KRT78: variants seen among roughly 807,000 people sequenced by gnomAD.
The protein encoded by KRT78 is keratin 78.
In KRT78, 55 loss-of-function variants were observed where a neutral mutation model predicts 51.4. That is an observed-to-expected ratio of 1.07 (90% CI 0.86 to 1.34). KRT78 has a LOEUF of 1.34. Among genes scored for constraint, KRT78 ranks in the 40% most tolerant of loss-of-function variants. KRT78 has a pLI of 0.00. For missense variants in KRT78, 652 were observed against 649.4 expected, an observed-to-expected ratio of 1.00 and a Z score of -0.04; for synonymous variants, 291 against 264.3, an observed-to-expected ratio of 1.10 and a Z score of -0.98.
At chr12:52,848,174 G>A (rs780915353) in intron 1 of KRT78, 53 bp from the exon 2 acceptor site, 5 of 1,590,966 alleles carry the variant, frequency 3.1e-6, no homozygotes, top group East Asian at 4.6e-5. Flanking sequence ...CCTGTGCACA[G>A]CCTCTGGAAA....
intron 6 of KRT78, among the ~76,000 whole-genome samples, chr12:52,841,520 C>G (rs1163880574): frequency 6.6e-6 from 1 of 151,552 alleles, no homozygotes; most frequent in African/African-American, 2.4e-5. Flanking sequence ...AATCCTTTTA[C>G]TTACAATAGA....
At chr12:52,847,214 CT>C (rs1940663271) in intron 2 of KRT78, among the ~76,000 whole-genome samples, 1 of 152,194 alleles carries the variant, frequency 6.6e-6, no homozygotes, top group South Asian at 2.1e-4. Context: ...TCCAGGGCTC[CT>C]TCCAGAACCT....
chr12:52,848,921 A>T lies in KRT78; in HGVS notation c.10T>A (p.Ser4Thr), dbSNP rs1940717786. 1 of 1,559,338 alleles carries T rather than the reference A, an allele frequency of 6.4e-7. No individual in the cohort carries two copies. Among genetic ancestry groups the T allele is most frequent in the South Asian group, 1.2e-5 (1 of 83,402 alleles). The change falls in exon 1 of 9, where the codon TCC becomes ACC. Residue 4 changes from serine (S) to threonine (T), a missense_variant. Coordinates refer to ENST00000304620, the MANE Select transcript of KRT78 (RefSeq NM_173352.4). ...AAGCCCCTCTGGGCCCGGCATGGGG[A>T]GAGAGACATGGCAGAGACAGACAGT... MSLSPCRAQRGFSA... is the reference protein window; with the variant it reads MSLTPCRAQRGFSA...
chr12:52,843,930 T>G (rs2120409712), intron 6 of KRT78, among the ~76,000 whole-genome samples, 163 bp downstream of exon 6: 1 of 152,242 alleles, frequency 6.6e-6, no homozygotes. Flanking sequence ...TAGATGGGGC[T>G]TGAAGTTCTC....
chr12:52,839,036 C>A lies in KRT78; in HGVS notation c.*77G>T, dbSNP rs927949703. ...TGGCTTGGGCTGTGGGCAGCGGACA[C>A]GGAGTTGGCCTTGCAGAGCCGGCTG... is the stretch of plus-strand genomic sequence containing the variant. On this transcript the variant is annotated 3_prime_UTR_variant, in exon 9 of 9. Transcript: ENST00000304620. 1 of 1,525,832 alleles carries A rather than the reference C, an allele frequency of 6.6e-7. No homozygotes were observed. Among genetic ancestry groups the A allele is most frequent in the Admixed American group, 1.8e-5 (1 of 54,814 alleles). 94.5% of individuals were successfully genotyped at this position (1,525,832 alleles called of 1,614,324 possible).
chr12:52,841,486 CAAA>C (rs56956757), intron 6 of KRT78, among the ~76,000 whole-genome samples: 1 of 98,610 alleles, frequency 1.0e-5, no homozygotes, highest in African/African-American at 3.3e-5. Context: ...GACTCCTTCT[CAAA>C]AAAAAAAAAA....
In KRT78 at chr12:52,839,993, G is replaced by A. The variant is rs757155912; in HGVS notation, c.1048-9C>T. On this transcript the variant is annotated splice_polypyrimidine_tract_variant and intron_variant, in intron 6 of 8. Transcript: ENST00000304620. ...GCCTGCAGGCTGGCGTTCTGGAAGC[G>A]GGGTAGAAATGAGCGAGAAGGTGGT... 16 of 1,606,282 alleles carry A rather than the reference G, an allele frequency of 1.0e-5. No homozygotes were observed. Among genetic ancestry groups the A allele is most frequent in the East Asian group, 4.5e-5 (2 of 44,732 alleles).
Position 52,838,800 on chromosome 12 carries a change from C to A in KRT78, c.*313G>T. ...GCACCCCAAGGAACACACTGGAGAG[C>A]TTGAAGGATCCCTTGATAGAGTGGC... is the stretch of plus-strand genomic sequence containing the variant. On this transcript the variant is annotated 3_prime_UTR_variant, in exon 9 of 9. Coordinates refer to ENST00000304620, the MANE Select transcript of KRT78 (RefSeq NM_173352.4). The A allele has an allele frequency of 2.5e-6, 1 of 395,920 alleles. No homozygotes were observed. Among genetic ancestry groups the A allele is most frequent in the Non-Finnish European group, 4.6e-6 (1 of 216,452 alleles). 24.5% of individuals were successfully genotyped at this position (395,920 alleles called of 1,614,324 possible). A position where few individuals can be genotyped will look rare whatever the true frequency, so the allele number is the denominator to read the frequency against.
chr12:52,846,786 T>C lies in KRT78; in HGVS notation c.638A>G (p.Asn213Ser). The C allele has an allele frequency of 6.2e-7, 1 of 1,613,828 alleles. No individual in the cohort carries two copies. Among genetic ancestry groups the C allele is most frequent in the Non-Finnish European group, 8.5e-7 (1 of 1,179,932 alleles). The change falls in exon 3 of 9, where the codon AAC becomes AGC. Residue 213 changes from asparagine to serine, a missense_variant. Coordinates refer to ENST00000304620, the MANE Select transcript of KRT78 (RefSeq NM_173352.4). Reference sequence around the variant, plus strand: ...CACCTTCTTGAGGACCACAAAGTCGTTCTCAAGTGTGGCACGCCTGTGGGC... The same window carrying C: ...CACCTTCTTGAGGACCACAAAGTCGCTCTCAAGTGTGGCACGCCTGTGGGC... ...EEAHRRATLE[N>S]DFVVLKKDVD...
Position 52,839,082 on chromosome 12 carries a change from G to T in KRT78, c.*31C>A. 6.2e-7 allele frequency: 1 copy of T among 1,600,318 alleles called. No individual in the cohort carries two copies. Among genetic ancestry groups the T allele is most frequent in the Non-Finnish European group, 8.5e-7 (1 of 1,174,664 alleles). ...GGCTGATGGGGGGAGTGGGCCAAAT[G>T]TGTTCAGGAAGGAGGTGGCTGCTGG... is the stretch of plus-strand genomic sequence containing the variant. On this transcript the variant is annotated 3_prime_UTR_variant, in exon 9 of 9. Coordinates refer to ENST00000304620, the MANE Select transcript of KRT78 (RefSeq NM_173352.4).
chr12:52,842,950 AG>A (rs1565698642), intron 6 of KRT78, among the ~76,000 whole-genome samples: 1,185 of 110,742 alleles, frequency 0.011, 50 homozygotes, highest in East Asian at 0.08. Flanking sequence ...AGAGAGAGAG[AG>A]AGAGAGAGAG....
chr12:52,845,715 G>A (rs1371404745), intron 4 of KRT78, among the ~76,000 whole-genome samples: 5 of 152,164 alleles, frequency 3.3e-5, no homozygotes, highest in African/African-American at 4.8e-5. Flanking sequence ...CAGCACTTTG[G>A]GAGGCCGAGG....
At chr12:52,839,420 G>C in intron 8 of KRT78, 33 bp downstream of exon 8, 1 of 1,611,094 alleles carries the variant, frequency 6.2e-7, no homozygotes, top group African/African-American at 1.3e-5. Flanking sequence ...GCTCCCCATG[G>C]GGATCCCATC....
chr12:52,848,798 CA>C lies in KRT78; in HGVS notation c.132del (p.Phe44LeufsTer43). ...GGFSSRSLNS[F>X]GGCLEGSRGS... ...CCACGAGAGCCTTCCAGGCACCCCC[CA>C]AAGGAATTAAGGCTCCTGCTGCTGA... On this transcript the variant is annotated frameshift_variant, in exon 1 of 9. Coordinates refer to ENST00000304620, the MANE Select transcript of KRT78 (RefSeq NM_173352.4). LOFTEE classifies it high-confidence loss of function. The C allele has an allele frequency of 1.9e-6, 3 of 1,613,594 alleles. No individual in the cohort carries two copies. Among genetic ancestry groups the C allele is most frequent in the Non-Finnish European group, 2.5e-6 (3 of 1,179,810 alleles).
At position 52,848,905 on chromosome 12, in the gene KRT78, T is replaced by C. The variant is rs758928394; in HGVS notation, c.26A>G (p.Gln9Arg). Residue 9 changes from glutamine to arginine, a missense_variant, in exon 1 of 9, where the codon CAG becomes CGG. Physicochemically the swap from Gln to Arg is conservative, Grantham distance 43. Coordinates refer to ENST00000304620, the MANE Select transcript of KRT78 (RefSeq NM_173352.4). Reference protein sequence around the residue: MSLSPCRAQRGFSARSACS... With the variant: MSLSPCRARRGFSARSACS... ...GGCTGAGCGAGCGCTGAAGCCCCTC[T>C]GGGCCCGGCATGGGGAGAGAGACAT... 3.2e-6 allele frequency: 5 copies of C among 1,577,572 alleles called. No individual in the cohort carries two copies. The highest frequency in any genetic ancestry group is 4.3e-6 in the Non-Finnish European group (5 of 1,163,326).
chr12:52,839,608 T>C (rs937751107), intron 7 of KRT78, 121 bp from the exon 8 acceptor site: 4 of 1,312,122 alleles, frequency 3.0e-6, no homozygotes, highest in Non-Finnish European at 4.2e-6. Flanking sequence ...ATCCACAGTC[T>C]CCAACTTAAA....
At chr12:52,848,322 T>A (rs1462069408) in intron 1 of KRT78, 3 of 1,494,810 alleles carry the variant, frequency 2.0e-6, no homozygotes, top group Non-Finnish European at 2.7e-6. Flanking sequence ...GGCAGGGCCT[T>A]CCCCCCGCTG....
chr12:52,845,933 A>C lies in KRT78; in HGVS notation c.756+264T>G, dbSNP rs142814045. The C allele has an allele frequency of 4.7e-3, 2,016 of 429,974 alleles. 13 individuals carry two copies. The highest frequency in any genetic ancestry group is 5.6e-3 in the Non-Finnish European group (1,349 of 239,244). The allele number at this position is 429,974 out of a possible 1,614,324, so 26.6% of individuals were successfully genotyped here. A position where few individuals can be genotyped will look rare whatever the true frequency, so the allele number is the denominator to read the frequency against. ...GCACCACTGCACTCCAGCCTGGGCA[A>C]CTGAGCAAGATTCCATCTCAAAAAA... On this transcript the variant is annotated intron_variant, in intron 4 of 8. Coordinates refer to ENST00000304620, the MANE Select transcript of KRT78 (RefSeq NM_173352.4).
Position 52,844,641 on chromosome 12 carries a change from C to T in KRT78, c.839G>A (p.Ser280Asn). ...CCGGGCGCGGACCTCAGTGATGATG[C>T]TGCTGAAGTCCAGGTAGCGGTTGTT... ...MDNNRYLDFS[S>N]IITEVRARYE... Residue 280 changes from serine (S) to asparagine (N), a missense_variant, in exon 5 of 9, where the codon AGC (serine) becomes AAC (asparagine). Coordinates refer to ENST00000304620, the MANE Select transcript of KRT78 (RefSeq NM_173352.4). 4 of 1,614,162 alleles carry T rather than the reference C, an allele frequency of 2.5e-6. No individual in the cohort carries two copies. Among genetic ancestry groups the T allele is most frequent in the Non-Finnish European group, 3.4e-6 (4 of 1,179,996 alleles).
Sources: gnomAD v4.1 joint callset for allele counts (sites outside exome capture counted in the v4.1 genomes callset) on GRCh38, gnomAD v4.1.1 for gene constraint, MANE v1.5 for transcripts, NCBI Gene and HGNC (gene_info 2026-07-23, HGNC 2026-07-21) for gene names.